The following THAP6 variants were observed in gnomAD, a reference collection of about 807,000 sequenced individuals.
The protein encoded by THAP6 is THAP domain-containing protein 6.
In THAP6, 13 loss-of-function variants were observed where a neutral mutation model predicts 20.0. That is an observed-to-expected ratio of 0.65 (90% CI 0.42 to 1.03). The LOEUF (loss-of-function observed/expected upper bound fraction) is 1.03, where lower values mean the gene tolerates loss of function less well. Among genes scored for constraint, THAP6 ranks in the 50% least tolerant of loss-of-function variants. The pLI is 0.00. For missense variants in THAP6, 262 were observed against 261.6 expected, an observed-to-expected ratio of 1.00 and a Z score of -0.01; for synonymous variants, 93 against 92.2, an observed-to-expected ratio of 1.01 and a Z score of -0.05.
chr4:75,529,124 C>T lies in THAP6; in HGVS notation c.*1910C>T. 3.1e-6 allele frequency: 3 copies of T among 977,742 alleles called. No individual in the cohort carries two copies. The African/African-American group carries it at 5.3e-5, about 17-fold the overall frequency. The allele number at this position is 977,742 out of a possible 1,614,324, so 60.6% of individuals were successfully genotyped here. On this transcript the variant is annotated 3_prime_UTR_variant, in exon 5 of 5. Transcript: ENST00000311638. ...TACTTAATTTTGAGTTCATAAATGG[C>T]CACCCTAATGGAAAGTTTGGGTATG... is the stretch of plus-strand genomic sequence containing the variant.
At position 75,515,432 on chromosome 4, in the gene THAP6, G is replaced by C; in HGVS notation, c.-20-1G>C. 6.2e-7 allele frequency: 1 copy of C among 1,611,114 alleles called. No homozygotes were observed. The highest frequency in any genetic ancestry group is 1.1e-5 in the South Asian group (1 of 91,014). On this transcript the variant is annotated splice_acceptor_variant, in intron 1 of 4. Coordinates refer to ENST00000311638, the MANE Select transcript of THAP6 (RefSeq NM_144721.6). LOFTEE classifies it low-confidence loss of function (5UTR_SPLICE). The stretch of plus-strand genomic sequence containing the variant: ...CTCTTAACATTCTAATTTTCTTTCA[G>C]TTTTGTTATGAGTTGCTAAAATGGT...
At chr4:75,536,731 C>G (rs1201472474) in intron 2 of THAP6, among the ~76,000 whole-genome samples, 1 of 152,088 alleles carries the variant, frequency 6.6e-6, no homozygotes, top group African/African-American at 2.4e-5. Flanking sequence ...TGGTCTTGAA[C>G]TCCTGGGCTC....
intron 2 of THAP6, among the ~76,000 whole-genome samples, chr4:75,541,447 CGTGT>C (rs138759889): frequency 1.5e-4 from 23 of 150,390 alleles, no homozygotes; most frequent in Non-Finnish European, 2.5e-4. Context: ...TAAGTGTGTA[CGTGT>C]GTGTGTGTGT....
intron 1 of THAP6, 27 bp from the exon 2 acceptor site, chr4:75,515,406 A>G (rs768593302): frequency 1.3e-6 from 2 of 1,590,494 alleles, no homozygotes; most frequent in Admixed American, 3.3e-5. Flanking sequence ...CCGGTTACTA[A>G]CTCTTAACAT....
chr4:75,519,369 G>A (rs546253386), intron 3 of THAP6, among the ~76,000 whole-genome samples: 5 of 149,194 alleles, frequency 3.4e-5, no homozygotes, highest in African/African-American at 9.9e-5. Context: ...GGGTACATGT[G>A]CACATTGTGC....
intron 4 of THAP6, chr4:75,522,550 T>C (rs1027226785): frequency 6.6e-6 from 1 of 152,180 alleles, no homozygotes; most frequent in Non-Finnish European, 1.5e-5. Flanking sequence ...TCTAACTATA[T>C]TTCTGTACCC....
At chr4:75,514,383 A>G (rs527245634), upstream of THAP6, 3 of 1,336,036 alleles carry the variant, frequency 2.2e-6, no homozygotes, top group East Asian at 5.1e-5. Flanking sequence ...TCCCAGCCCC[A>G]GCGGCCACTA....
upstream of THAP6, chr4:75,514,032 C>A: frequency 9.1e-7 from 1 of 1,096,810 alleles, no homozygotes; most frequent in East Asian, 2.6e-5. Flanking sequence ...GGGCTTATCG[C>A]CTTGCCAAAA....
chr4:75,525,672 G>C (rs1338074091), intron 4 of THAP6, among the ~76,000 whole-genome samples: 2 of 152,072 alleles, frequency 1.3e-5, no homozygotes, highest in African/African-American at 4.8e-5. Context: ...TGAATTTTGG[G>C]TTTTAATTTG....
chr4:75,524,966 C>G (rs1390617832), intron 4 of THAP6, among the ~76,000 whole-genome samples: 1 of 152,112 alleles, frequency 6.6e-6, no homozygotes, highest in Non-Finnish European at 1.5e-5. Flanking sequence ...CCATGTTGCC[C>G]AGGCTGGTCT....
chr4:75,527,039 C>T lies in THAP6; in HGVS notation c.494C>T (p.Thr165Ile). 1 of 1,613,908 alleles carries T rather than the reference C, an allele frequency of 6.2e-7. No individual in the cohort carries two copies. Among genetic ancestry groups the T allele is most frequent in the South Asian group, 1.1e-5 (1 of 91,058 alleles). Residue 165 changes from threonine (T) to isoleucine (I), a missense_variant, in exon 5 of 5, where the codon ACA (threonine) becomes ATA (isoleucine). Thr to Ile is a moderately conservative substitution (Grantham distance 89). Coordinates refer to ENST00000311638, the MANE Select transcript of THAP6 (RefSeq NM_144721.6). ...LDHVIGELED[T>I]KESLRNVLDR... is the part of the protein sequence containing the mutation. ...CATGTGATCGGCGAGCTAGAGGATA[C>T]AAAGGAAAGTCTACGGAATGTTTTA...
chr4:75,528,581 AT>A lies in THAP6; in HGVS notation c.*1373del. 3.1e-6 allele frequency: 3 copies of A among 983,344 alleles called. No homozygotes were observed. Among genetic ancestry groups the A allele is most frequent in the Non-Finnish European group, 3.6e-6 (3 of 828,104 alleles). 60.9% of individuals were successfully genotyped at this position (983,344 alleles called of 1,614,324 possible). A position where few individuals can be genotyped will look rare whatever the true frequency, so the allele number is the denominator to read the frequency against. The stretch of plus-strand genomic sequence containing the variant: ...TATTAGTTAAGATATGGTCACTTGA[AT>A]TTTTTGTATTTAAGAATTTTCTGTT... On this transcript the variant is annotated 3_prime_UTR_variant, in exon 5 of 5. Coordinates refer to ENST00000311638, the MANE Select transcript of THAP6 (RefSeq NM_144721.6).
exon 3 of THAP6, chr4:75,542,430 T>C: frequency 2.8e-6 from 2 of 702,310 alleles, no homozygotes; most frequent in South Asian, 1.5e-5. Flanking sequence ...CAAGAGGAAA[T>C]GTTTGTTCAA....
intron 3 of THAP6, among the ~76,000 whole-genome samples, chr4:75,546,986 A>G (rs1245375302): frequency 1.3e-5 from 2 of 152,212 alleles, no homozygotes; most frequent in African/African-American, 4.8e-5. Flanking sequence ...TGTGAGCAGG[A>G]GAAAAAAGAA....
downstream of THAP6, among the ~76,000 whole-genome samples, chr4:75,533,723 G>A (rs1056218516): frequency 1.3e-5 from 2 of 152,154 alleles, no homozygotes; most frequent in African/African-American, 4.8e-5. Flanking sequence ...AAAAGAGCTT[G>A]TGCAGAGAAA....
rs780452111 is a variant in THAP6, at chr4:75,527,038, A to G, written c.493A>G (p.Thr165Ala). 18 of 1,614,018 alleles carry G rather than the reference A, an allele frequency of 1.1e-5. No homozygotes were observed. The Admixed American group carries it at 2.8e-4, about 25-fold the overall frequency. Residue 165 changes from threonine to alanine, a missense_variant, in exon 5 of 5, where the codon ACA becomes GCA. By Grantham distance (58) the Thr-to-Ala change is moderately conservative (BLOSUM62 0). Coordinates refer to ENST00000311638, the MANE Select transcript of THAP6 (RefSeq NM_144721.6). ...TCATGTGATCGGCGAGCTAGAGGATACAAAGGAAAGTCTACGGAATGTTTT... is the reference window on the plus strand; with the variant it reads ...TCATGTGATCGGCGAGCTAGAGGATGCAAAGGAAAGTCTACGGAATGTTTT... Reference protein sequence around the residue: ...LDHVIGELEDTKESLRNVLDR... With the variant: ...LDHVIGELEDAKESLRNVLDR...
chr4:75,528,734 A>G lies in THAP6; in HGVS notation c.*1520A>G. ...AGGCCATATCTTTTTACAATCTGAA[A>G]AAAAAGTAGTAAAAAGGTAGTTAAA... is the stretch of plus-strand genomic sequence containing the variant. On this transcript the variant is annotated 3_prime_UTR_variant, in exon 5 of 5. Coordinates refer to ENST00000311638, the MANE Select transcript of THAP6 (RefSeq NM_144721.6). 2 of 979,160 alleles carry G rather than the reference A, an allele frequency of 2.0e-6. No individual in the cohort carries two copies. The highest frequency in any genetic ancestry group is 3.7e-5 in the African/African-American group (2 of 54,046). 60.7% of individuals were successfully genotyped at this position (979,160 alleles called of 1,614,324 possible).
At chr4:75,520,481 G>A (rs1238315383) in intron 3 of THAP6, among the ~76,000 whole-genome samples, 2 of 152,106 alleles carry the variant, frequency 1.3e-5, no homozygotes, top group Non-Finnish European at 2.9e-5. Flanking sequence ...GATAGTAGTT[G>A]GTGGTGTCAA....
At chr4:75,520,880 CTA>C (rs1725978897) in intron 3 of THAP6, among the ~76,000 whole-genome samples, 1 of 152,160 alleles carries the variant, frequency 6.6e-6, no homozygotes, top group Admixed American at 6.5e-5. Flanking sequence ...TTTAATGTAT[CTA>C]TGAACACTCG....
Sources: allele counts gnomAD v4.1 joint callset (sites outside exome capture counted in the v4.1 genomes callset), GRCh38; gene constraint gnomAD v4.1.1; transcripts MANE v1.5; gene names NCBI Gene and HGNC (gene_info 2026-07-23, HGNC 2026-07-21).